TRAPPC9: variants seen among roughly 807,000 people sequenced by gnomAD.
TRAPPC9 encodes the protein trafficking protein particle complex subunit 9.
A neutral mutation model predicts 124.0 loss-of-function variants in TRAPPC9; 83 were observed. The observed-to-expected ratio is 0.67, with a 90% CI of 0.56 to 0.80. The LOEUF (loss-of-function observed/expected upper bound fraction) is 0.80. Ranked by LOEUF, TRAPPC9 falls within the 30% of genes least tolerant of loss-of-function variation. TRAPPC9 has a pLI of 0.00. For missense variants in TRAPPC9, 1,302 were observed against 1,508.3 expected (o/e 0.86, Z 2.27); for synonymous variants, 638 against 617.5 (o/e 1.03, Z -0.49).
chr8:139,975,085 G>A (rs377527788), intron 19 of TRAPPC9, among the ~76,000 whole-genome samples: 76 of 152,202 alleles, frequency 5.0e-4, no homozygotes, highest in African/African-American at 1.8e-3. Flanking sequence ...ACCAAGAAGG[G>A]ACAGCGGTGA....
intron 17 of TRAPPC9, among the ~76,000 whole-genome samples, chr8:140,163,709 C>T (rs143738025): frequency 0.011 from 1,632 of 152,122 alleles, 31 homozygotes; most frequent in African/African-American, 0.037. Context: ...GTTATTGTAG[C>T]CTTTGTTTCA....
At chr8:139,778,380 A>G (rs1234106434) in intron 21 of TRAPPC9, among the ~76,000 whole-genome samples, 1 of 152,220 alleles carries the variant, frequency 6.6e-6, no homozygotes, top group East Asian at 1.9e-4. Flanking sequence ...ACCCAACAAG[A>G]CAAAATTTAT....
chr8:139,945,784 T>C lies in TRAPPC9; in HGVS notation c.2811-35484A>G, dbSNP rs7010608. Among the ~76,000 whole-genome samples, 1,021 of 152,240 alleles carry C rather than the reference T, an allele frequency of 6.7e-3. 15 individuals are homozygous for C. Among genetic ancestry groups the C allele is most frequent in the African/African-American group, 0.023 (945 of 41,530 alleles). ...GAGTGATACAGAGTACACATTCGAC[T>C]CTAGTGAAGGATGTATCTCCCTTGG... On this transcript the variant is annotated intron_variant, in intron 19 of 22. Coordinates refer to ENST00000438773, the MANE Select transcript of TRAPPC9 (RefSeq NM_001160372.4).
rs558920088 is a variant in TRAPPC9, at chr8:140,388,951, A to G, written c.1134+8669T>C. On this transcript the variant is annotated intron_variant, in intron 7 of 22. Coordinates refer to ENST00000438773, the MANE Select transcript of TRAPPC9 (RefSeq NM_001160372.4). Reference sequence around the variant, plus strand: ...GTAATCTAGACACAGAAGGACAAACACTGTCTTTTTTTTTTTTTTTTTTTT... The same window carrying G: ...GTAATCTAGACACAGAAGGACAAACGCTGTCTTTTTTTTTTTTTTTTTTTT... Among the ~76,000 whole-genome samples, 5 of 144,044 alleles carry G rather than the reference A, an allele frequency of 3.5e-5. No individual in the cohort carries two copies. In the East Asian group the frequency reaches 1.0e-3, roughly 29 times the overall value. 94.5% of individuals were successfully genotyped at this position (144,044 alleles called of 152,430 possible). A position where few individuals can be genotyped will look rare whatever the true frequency, so the allele number is the denominator to read the frequency against.
At chr8:139,789,213 C>T (rs779057347) in intron 21 of TRAPPC9, among the ~76,000 whole-genome samples, 33 of 152,134 alleles carry the variant, frequency 2.2e-4, no homozygotes, top group Non-Finnish European at 3.5e-4. Context: ...ACGCCTGCCT[C>T]GGAAGCACAC....
intron 21 of TRAPPC9, among the ~76,000 whole-genome samples, chr8:139,854,468 G>A (rs949510490): frequency 3.9e-5 from 6 of 152,230 alleles, no homozygotes; most frequent in Admixed American, 3.9e-4. Flanking sequence ...CTGGGGTCAG[G>A]GAGGTGACAC....
intron 3 of TRAPPC9, among the ~76,000 whole-genome samples, chr8:140,437,647 T>C (rs2070868236): frequency 6.6e-6 from 1 of 152,210 alleles, no homozygotes; most frequent in African/African-American, 2.4e-5. Flanking sequence ...ATTTGTTATA[T>C]TTAATATGTT....
At chr8:140,362,805 C>T (rs1477709767) in intron 8 of TRAPPC9, among the ~76,000 whole-genome samples, 1 of 152,182 alleles carries the variant, frequency 6.6e-6, no homozygotes, top group East Asian at 1.9e-4. Flanking sequence ...TCAACACTAC[C>T]ATATCCAGAA....
chr8:139,758,980 C>A (rs1820039845), intron 21 of TRAPPC9, among the ~76,000 whole-genome samples: 1 of 152,198 alleles, frequency 6.6e-6, no homozygotes, highest in African/African-American at 2.4e-5. Flanking sequence ...TGGCACTGAA[C>A]CCAAGACACT....
intron 17 of TRAPPC9, among the ~76,000 whole-genome samples, chr8:140,074,828 G>A (rs578133467): frequency 3.3e-5 from 5 of 152,312 alleles, no homozygotes; most frequent in African/African-American, 7.2e-5. Flanking sequence ...AGACAGGAAG[G>A]GGTCAGAGGG....
At chr8:140,037,926 C>T (rs552049450) in intron 17 of TRAPPC9, among the ~76,000 whole-genome samples, 1 of 108,128 alleles carries the variant, frequency 9.2e-6, no homozygotes, top group East Asian at 2.4e-4. Flanking sequence ...GAGCTTCCCT[C>T]GTGCTGCATG....
At chr8:139,813,624 G>A (rs1325925358) in intron 21 of TRAPPC9, among the ~76,000 whole-genome samples, 3 of 152,256 alleles carry the variant, frequency 2.0e-5, no homozygotes, top group Non-Finnish European at 4.4e-5. Context: ...CTGAAGAGCT[G>A]CCTCTGGGCC....
At chr8:140,115,537 G>A (rs994193194) in intron 17 of TRAPPC9, among the ~76,000 whole-genome samples, 3 of 152,060 alleles carry the variant, frequency 2.0e-5, no homozygotes, top group African/African-American at 7.2e-5. Flanking sequence ...AAAGTGCTGG[G>A]ATTACAGGCA....
intron 18 of TRAPPC9, among the ~76,000 whole-genome samples, chr8:139,995,690 C>T (rs886891813): frequency 5.3e-5 from 8 of 151,958 alleles, no homozygotes; most frequent in Admixed American, 5.2e-4. Context: ...CTCCTAAGCT[C>T]ACCAGGGAGC....
rs552071803 is a variant in TRAPPC9 at position 139,905,652 on chromosome 8, G to A, written c.2964+4495C>T. The stretch of plus-strand genomic sequence containing the variant: ...GTCTGACCAGGTTTCCCAGCCTCTC[G>A]TGGGAAACATGGCCCCAGGCTTGGT... On this transcript the variant is annotated intron_variant, in intron 20 of 22. Coordinates refer to ENST00000438773, the MANE Select transcript of TRAPPC9 (RefSeq NM_001160372.4). Among the ~76,000 whole-genome samples the A allele has an allele frequency of 9.2e-5, 14 of 152,306 alleles. No individual in the cohort carries two copies. The East Asian group carries it at 2.1e-3, about 23-fold the overall frequency.
intron 20 of TRAPPC9, among the ~76,000 whole-genome samples, chr8:139,896,937 T>C (rs1587132721): frequency 6.6e-6 from 1 of 152,232 alleles, no homozygotes; most frequent in African/African-American, 2.4e-5. Context: ...ATTCTGCCCC[T>C]GCCTCTCAGG....
chr8:140,129,611 C>T (rs1024894458), intron 17 of TRAPPC9, among the ~76,000 whole-genome samples: 2 of 152,098 alleles, frequency 1.3e-5, no homozygotes, highest in Non-Finnish European at 2.9e-5. Flanking sequence ...AGACTGGGTA[C>T]ACACAGGAGG....
chr8:140,381,905 A>G (rs1242282476), intron 7 of TRAPPC9, among the ~76,000 whole-genome samples: 1 of 152,226 alleles, frequency 6.6e-6, no homozygotes, highest in African/African-American at 2.4e-5. Context: ...CAGTTCCTCA[A>G]AAAGTTAAAC....
intron 9 of TRAPPC9, among the ~76,000 whole-genome samples, chr8:140,346,862 T>G (rs1211189287): frequency 1.3e-5 from 2 of 152,216 alleles, no homozygotes; most frequent in Non-Finnish European, 2.9e-5. Context: ...GGACTTGAGA[T>G]TCACACCAGA....
Sources: allele counts gnomAD v4.1 joint callset (sites outside exome capture counted in the v4.1 genomes callset), GRCh38; gene constraint gnomAD v4.1.1; transcripts MANE v1.5; gene names NCBI Gene and HGNC (gene_info 2026-07-23, HGNC 2026-07-21).